The following RAB38 variants were observed in gnomAD, a reference collection of about 807,000 sequenced individuals.
The protein encoded by RAB38 is RAB38, member RAS oncogene family, also known as ras-related protein Rab-38.
Under a neutral mutation model 18.4 loss-of-function variants are expected in RAB38, and 15 were observed. The ratio of observed to expected loss-of-function variants is 0.82; its 90% CI spans 0.55 to 1.26. RAB38 has a LOEUF of 1.26. Ranked by LOEUF, RAB38 falls within the 50% of genes most tolerant of loss-of-function variation. RAB38 has a pLI of 0.00. For synonymous variants in RAB38, 101 were observed against 104.4 expected, an observed-to-expected ratio of 0.97 and a Z score of 0.20; for missense variants, 294 against 267.4, an observed-to-expected ratio of 1.10 and a Z score of -0.69.
chr11:87,888,423 A>C, the RAB38 span, among the ~76,000 whole-genome samples: 1 of 152,008 alleles, frequency 6.6e-6, no homozygotes, highest in Non-Finnish European at 1.5e-5. Context: ...GAGTTAGACA[A>C]ACATGGGTCT....
the RAB38 span, among the ~76,000 whole-genome samples, chr11:87,814,163 C>T: frequency 7.9e-5 from 12 of 152,220 alleles, no homozygotes; most frequent in Admixed American, 3.9e-4. Context: ...GTAGTACTCC[C>T]GAGTGGGATG....
At chr11:87,939,962 A>T in the RAB38 span, among the ~76,000 whole-genome samples, 4 of 152,072 alleles carry the variant, frequency 2.6e-5, no homozygotes, top group African/African-American at 4.8e-5. Context: ...CTAGAAAAAG[A>T]AGAGCAAATT....
At chr11:88,124,684 G>C (rs1364957287) in intron 2 of RAB38, among the ~76,000 whole-genome samples, 1 of 152,028 alleles carries the variant, frequency 6.6e-6, no homozygotes, top group Non-Finnish European at 1.5e-5. Flanking sequence ...ACCTCCCGGA[G>C]GCAGCACTTA....
chr11:88,166,623 A>G (rs1276845751), intron 1 of RAB38: 2 of 152,106 alleles, frequency 1.3e-5, no homozygotes, highest in African/African-American at 4.8e-5. Context: ...ATACGCTTAA[A>G]TTTTAAAAAA....
the RAB38 span, among the ~76,000 whole-genome samples, chr11:87,907,467 A>T: frequency 5.2e-4 from 79 of 151,136 alleles, 3 homozygotes; most frequent in South Asian, 0.016. Context: ...AAAAAAATAT[A>T]TTTTTTTCAC....
chr11:88,057,926 T>G, the RAB38 span, among the ~76,000 whole-genome samples: 1 of 152,116 alleles, frequency 6.6e-6, no homozygotes, highest in Admixed American at 6.5e-5. Context: ...TGGAGCATCC[T>G]CACAAATGAA....
At chr11:87,956,982 T>TTG in the RAB38 span, among the ~76,000 whole-genome samples, 5 of 99,184 alleles carry the variant, frequency 5.0e-5, no homozygotes, top group Non-Finnish European at 1.4e-4. Flanking sequence ...ATGCAGTTTT[T>TTG]TGGGGGGGGG....
the RAB38 span, among the ~76,000 whole-genome samples, chr11:87,849,067 G>C: frequency 6.6e-6 from 1 of 152,018 alleles, no homozygotes; most frequent in African/African-American, 2.4e-5. Flanking sequence ...AGTTGAAACA[G>C]TACTATGGAT....
the RAB38 span, among the ~76,000 whole-genome samples, chr11:87,924,659 C>G: frequency 4.6e-5 from 7 of 151,974 alleles, no homozygotes; most frequent in South Asian, 6.2e-4. Context: ...TGCATACACA[C>G]TTTGAGATAA....
At chr11:88,011,074 G>C in the RAB38 span, among the ~76,000 whole-genome samples, 1 of 152,172 alleles carries the variant, frequency 6.6e-6, no homozygotes, top group East Asian at 1.9e-4. Flanking sequence ...GGTAGTCTGA[G>C]AGGCTATTCC....
At chr11:87,901,717 C>T in the RAB38 span, among the ~76,000 whole-genome samples, 2 of 151,542 alleles carry the variant, frequency 1.3e-5, no homozygotes, top group Non-Finnish European at 3.0e-5. Flanking sequence ...AATGCAATCA[C>T]CGGAGCTGTG....
the RAB38 span, among the ~76,000 whole-genome samples, chr11:87,941,798 C>A: frequency 6.6e-6 from 1 of 152,176 alleles, no homozygotes; most frequent in Non-Finnish European, 1.5e-5. Flanking sequence ...GGTGATGTCA[C>A]ATTTCCAGTT....
At chr11:87,915,125 G>A in the RAB38 span, among the ~76,000 whole-genome samples, 1 of 152,148 alleles carries the variant, frequency 6.6e-6, no homozygotes, top group Non-Finnish European at 1.5e-5. Flanking sequence ...GTGGCAGTAT[G>A]TAACCCCAAA....
chr11:87,915,939 G>A, the RAB38 span, among the ~76,000 whole-genome samples: 88 of 152,210 alleles, frequency 5.8e-4, 1 homozygote, highest in African/African-American at 1.9e-3. Context: ...AAGATTTAAT[G>A]TCTGCTCCAT....
the RAB38 span, among the ~76,000 whole-genome samples, chr11:87,812,966 G>T: frequency 6.6e-6 from 1 of 152,018 alleles, no homozygotes; most frequent in African/African-American, 2.4e-5. Context: ...GAAATTCTCC[G>T]AGAATGAATA....
chr11:88,048,142 C>T, the RAB38 span, among the ~76,000 whole-genome samples: 1 of 152,142 alleles, frequency 6.6e-6, no homozygotes, highest in African/African-American at 2.4e-5. Context: ...TGCCCCCACC[C>T]AGGACTGGCA....
chr11:88,013,830 T>C, the RAB38 span, among the ~76,000 whole-genome samples: 3 of 152,160 alleles, frequency 2.0e-5, no homozygotes, highest in African/African-American at 7.2e-5. Context: ...TGCAATATAA[T>C]TGATTGAAAG....
At chr11:88,072,040 T>C in the RAB38 span, among the ~76,000 whole-genome samples, 3 of 152,120 alleles carry the variant, frequency 2.0e-5, no homozygotes, top group Admixed American at 1.3e-4. Flanking sequence ...CAGTAAAAAA[T>C]TGCAGAACCC....
chr11:87,890,663 C>T, the RAB38 span, among the ~76,000 whole-genome samples: 6 of 151,792 alleles, frequency 4.0e-5, no homozygotes, highest in Admixed American at 1.3e-4. Flanking sequence ...TAGCCATAAT[C>T]GAAACTTCCT....
Sources: allele counts gnomAD v4.1 joint callset (sites outside exome capture counted in the v4.1 genomes callset), GRCh38; gene constraint gnomAD v4.1.1; transcripts MANE v1.5; gene names NCBI Gene and HGNC (gene_info 2026-07-23, HGNC 2026-07-21).